The following TTC17 variants were observed in gnomAD, a reference collection of about 807,000 sequenced individuals.
TTC17 encodes tetratricopeptide repeat protein 17.
In TTC17, 58 loss-of-function variants were observed where a neutral mutation model predicts 143.8. That is an observed-to-expected ratio of 0.40 (90% confidence interval 0.33 to 0.50). The LOEUF (loss-of-function observed/expected upper bound fraction) is 0.50. TTC17 is among the 20% of genes least tolerant of loss of function. TTC17 has a pLI of 0.49. For missense variants in TTC17, 1,273 were observed against 1,392.5 expected, an observed-to-expected ratio of 0.91 and a Z score of 1.37; for synonymous variants, 501 against 497.8, an observed-to-expected ratio of 1.01 and a Z score of -0.09.
chr11:43,367,357 T>G (rs963126), intron 1 of TTC17, among the ~76,000 whole-genome samples: 3 of 152,290 alleles, frequency 2.0e-5, no homozygotes. Context: ...AGGTCAACTT[T>G]AATGCGCAGG....
Position 43,448,112 on chromosome 11 carries a change from A to C in TTC17, c.2776A>C (p.Lys926Gln). 2 of 1,614,104 alleles carry C rather than the reference A, an allele frequency of 1.2e-6. No homozygotes were observed. Among genetic ancestry groups the C allele is most frequent in the Non-Finnish European group, 8.5e-7 (1 of 1,179,978 alleles). ...IVSTWLAVSS[K>Q]NIDITEHIDF... ...GAGTACCTGGCTTGCAGTTTCTTCA[A>C]AAAACATTGAGTAAGTATGTTAAGC... is the stretch of plus-strand genomic sequence containing the variant. The change falls in exon 19 of 24, where the codon AAA becomes CAA. Residue 926 changes from lysine to glutamine, a missense_variant. By Grantham distance (53) the Lys-to-Gln change is moderately conservative. Transcript: ENST00000039989.
intron 21 of TTC17, among the ~76,000 whole-genome samples, chr11:43,455,503 G>A (rs898325412): frequency 2.0e-5 from 3 of 151,934 alleles, no homozygotes; most frequent in Non-Finnish European, 4.4e-5. Flanking sequence ...AATAAAATTC[G>A]AAAGGCAGGG....
At chr11:43,434,482 T>C (rs1424994437) in intron 16 of TTC17, among the ~76,000 whole-genome samples, 2 of 152,192 alleles carry the variant, frequency 1.3e-5, no homozygotes, top group Non-Finnish European at 2.9e-5. Flanking sequence ...TACTTTTGAC[T>C]TTAGGCAAGT....
chr11:43,360,599 C>G (rs747845615), intron 1 of TTC17, among the ~76,000 whole-genome samples: 18 of 152,186 alleles, frequency 1.2e-4, no homozygotes, highest in Non-Finnish European at 1.9e-4. Context: ...CTTCTCCTTC[C>G]CATTTTGGTG....
intron 16 of TTC17, chr11:43,436,156 T>C: frequency 7.3e-7 from 1 of 1,379,022 alleles, no homozygotes; most frequent in East Asian, 2.6e-5. Flanking sequence ...GTGTCTCTTG[T>C]CATTGAGGTA....
intron 16 of TTC17, among the ~76,000 whole-genome samples, chr11:43,433,175 AT>A (rs1385604852): frequency 6.6e-6 from 1 of 151,996 alleles, no homozygotes; most frequent in Non-Finnish European, 1.5e-5. Context: ...TAATTTTTGT[AT>A]TTTTAGTAGA....
chr11:43,436,780 T>C (rs1202386179), intron 16 of TTC17, among the ~76,000 whole-genome samples: 2 of 152,232 alleles, frequency 1.3e-5, no homozygotes, highest in Middle Eastern at 3.2e-3. Context: ...GACTTCTTTT[T>C]AGTATTCACC....
intron 2 of TTC17, among the ~76,000 whole-genome samples, chr11:43,380,940 C>A (rs552273029): frequency 6.6e-6 from 1 of 151,950 alleles, no homozygotes; most frequent in Non-Finnish European, 1.5e-5. Flanking sequence ...TATTTAAACC[C>A]GGTGTTCAGA....
chr11:43,412,689 T>C (rs939703322), intron 15 of TTC17, among the ~76,000 whole-genome samples: 1 of 152,102 alleles, frequency 6.6e-6, no homozygotes, highest in African/African-American at 2.4e-5. Context: ...TTTTGGATTT[T>C]CAGATGGGGA....
In TTC17 at chr11:43,436,449, G is replaced by T. The variant is rs1242084149; in HGVS notation, c.2252-6876G>T. 7.0e-6 allele frequency: 7 copies of T among 995,556 alleles called. No individual in the cohort carries two copies. The East Asian group carries it at 1.9e-4, about 27-fold the overall frequency. 61.7% of individuals were successfully genotyped at this position (995,556 alleles called of 1,614,324 possible). A position where few individuals can be genotyped will look rare whatever the true frequency, so the allele number is the denominator to read the frequency against. ...TTTCTTCTTTAACAATCATTATATT[G>T]TAGCATCATGAGGGTGACCCCTAGG... On this transcript the variant is annotated intron_variant, in intron 16 of 23. Coordinates refer to ENST00000039989, the MANE Select transcript of TTC17 (RefSeq NM_018259.6).
rs1947823055 is a variant in TTC17, at chr11:43,459,423, T to G, written c.3030+8158T>G. On this transcript the variant is annotated intron_variant, in intron 21 of 23. Coordinates refer to ENST00000039989, the MANE Select transcript of TTC17 (RefSeq NM_018259.6). ...GAAATGTCCTCTTTTTGTAGCTTTCTCAGCCTGCTTCTAGGCTCTGTCCCA... is the reference window on the plus strand; with the variant it reads ...GAAATGTCCTCTTTTTGTAGCTTTCGCAGCCTGCTTCTAGGCTCTGTCCCA... Among the ~76,000 whole-genome samples, 3 of 152,248 alleles carry G rather than the reference T, an allele frequency of 2.0e-5. No homozygotes were observed. In the South Asian group the frequency reaches 6.2e-4, roughly 32 times the overall value.
At position 43,493,886 on chromosome 11, in the gene TTC17, G is replaced by A. The variant is rs1253700120; in HGVS notation, c.3408G>A (p.Lys1136=). Residue 1136 remains lysine (K), a synonymous_variant, in exon 24 of 24, where the codon AAG becomes AAA. Coordinates refer to ENST00000039989, the MANE Select transcript of TTC17 (RefSeq NM_018259.6). The part of the protein sequence containing the change: ...QTIQCHLMLK[K]GRRSP ...TCCAGTGTCACTTAATGCTGAAGAAGGGACGGCGCTCTCCTTAGTGCACTT... is the reference window on the plus strand; with the variant it reads ...TCCAGTGTCACTTAATGCTGAAGAAAGGACGGCGCTCTCCTTAGTGCACTT... 2 of 1,611,752 alleles carry A rather than the reference G, an allele frequency of 1.2e-6. No individual in the cohort carries two copies. Among genetic ancestry groups the A allele is most frequent in the Admixed American group, 3.3e-5 (2 of 59,932 alleles).
chr11:43,400,655 C>G (rs1857813676), intron 9 of TTC17, among the ~76,000 whole-genome samples: 1 of 152,240 alleles, frequency 6.6e-6, no homozygotes, highest in Non-Finnish European at 1.5e-5. Flanking sequence ...AAATCCTCTC[C>G]AAAATTATAT....
intron 21 of TTC17, among the ~76,000 whole-genome samples, chr11:43,475,509 T>C (rs1040138633): frequency 3.3e-5 from 5 of 152,120 alleles, no homozygotes; most frequent in Non-Finnish European, 7.3e-5. Context: ...ATTTTTAAAT[T>C]TTTTAAATAG....
chr11:43,397,403 TCTC>T lies in TTC17; in HGVS notation c.831_833del (p.Ser278del). 6.2e-7 allele frequency: 1 copy of T among 1,613,348 alleles called. No homozygotes were observed. The highest frequency in any genetic ancestry group is 1.3e-5 in the African/African-American group (1 of 75,056). ...GCAAACGTTCTACACAGAGCACACTTCTCTGCTGATGCTGCTGTCGTGGTCCAT... is the reference window on the plus strand; with the variant it reads ...GCAAACGTTCTACACAGAGCACACTTTGCTGATGCTGCTGTCGTGGTCCAT... On this transcript the variant is annotated inframe_deletion, in exon 7 of 24. Transcript: ENST00000039989.
At chr11:43,446,822 G>A in intron 18 of TTC17, 1 of 308,718 alleles carries the variant, frequency 3.2e-6, no homozygotes, top group Non-Finnish European at 4.7e-6. Flanking sequence ...TAAGTAAAGG[G>A]CCCACACCCA....
chr11:43,483,381 A>T (rs1380669981), intron 21 of TTC17, among the ~76,000 whole-genome samples: 1 of 152,006 alleles, frequency 6.6e-6, no homozygotes, highest in Non-Finnish European at 1.5e-5. Context: ...AGAAAGAAAA[A>T]TAATATATAT....
chr11:43,447,877 A>T, intron 18 of TTC17, 125 bp from the exon 19 acceptor site: 3 of 1,189,136 alleles, frequency 2.5e-6, no homozygotes, highest in Non-Finnish European at 2.3e-6. Flanking sequence ...GGAAATGTTA[A>T]AGACTACAGG....
At chr11:43,400,528 A>G (rs1857808672) in intron 9 of TTC17, among the ~76,000 whole-genome samples, 1 of 152,172 alleles carries the variant, frequency 6.6e-6, no homozygotes, top group Admixed American at 6.5e-5. Context: ...GACCCACCCT[A>G]CAAACAACCC....
Sources: allele counts gnomAD v4.1 joint callset (sites outside exome capture counted in the v4.1 genomes callset), GRCh38; gene constraint gnomAD v4.1.1; transcripts MANE v1.5; gene names NCBI Gene and HGNC (gene_info 2026-07-23, HGNC 2026-07-21).